The following RBPJ variants were observed in gnomAD, a reference collection of about 807,000 sequenced individuals.
RBPJ encodes the protein recombining binding protein suppressor of hairless.
RBPJ carries 9 observed loss-of-function variants against 67.8 expected under a neutral mutation model. The ratio of observed to expected loss-of-function variants is 0.13; its 90% CI spans 0.08 to 0.23. RBPJ has a LOEUF of 0.23. Among genes scored for constraint, RBPJ ranks in the 10% least tolerant of loss-of-function variants. The probability of loss-of-function intolerance (pLI) is 1.00; values close to 1 mark genes in which losing one functional copy is unlikely to be tolerated. For synonymous variants in RBPJ, 198 were observed against 203.3 expected, an observed-to-expected ratio of 0.97 and a Z score of 0.22; for missense variants, 305 against 595.6, an observed-to-expected ratio of 0.51 and a Z score of 5.08.
At chr4:26,371,735 GT>G (rs1729179949) in intron 1 of RBPJ, among the ~76,000 whole-genome samples, 1 of 152,138 alleles carries the variant, frequency 6.6e-6, no homozygotes, top group Non-Finnish European at 1.5e-5. Context: ...AACAGTTTTG[GT>G]TTGCTGAGAA....
At chr4:26,233,590 T>C (rs1318118964) in intron 1 of RBPJ, among the ~76,000 whole-genome samples, 1 of 152,156 alleles carries the variant, frequency 6.6e-6, no homozygotes, top group East Asian at 1.9e-4. Context: ...CCAGTGTCGT[T>C]ATTATTGGGA....
chr4:26,192,417 C>A (rs1273897823), intron 1 of RBPJ, among the ~76,000 whole-genome samples: 6 of 152,200 alleles, frequency 3.9e-5, no homozygotes, highest in African/African-American at 1.4e-4. Flanking sequence ...CCTGCACACA[C>A]AAATTCCCCC....
intron 1 of RBPJ, 32 bp downstream of exon 1, chr4:26,321,080 C>G: frequency 6.4e-7 from 1 of 1,552,700 alleles, no homozygotes; most frequent in Non-Finnish European, 8.9e-7. Context: ...CGCCGGGAAC[C>G]GGGAAAGTTG....
chr4:26,255,530 T>C (rs181869586), intron 1 of RBPJ, among the ~76,000 whole-genome samples: 1,889 of 147,932 alleles, frequency 0.013, 16 homozygotes, highest in Non-Finnish European at 0.014. Context: ...CGGCCGGGCG[T>C]GGTGGCTCAA....
chr4:26,125,767 C>G, the RBPJ span, among the ~76,000 whole-genome samples: 3 of 151,490 alleles, frequency 2.0e-5, no homozygotes, highest in African/African-American at 7.3e-5. Context: ...CCAGTGCACT[C>G]CAGCCTGGGC....
chr4:26,304,389 C>G (rs1722167927), intron 1 of RBPJ, among the ~76,000 whole-genome samples: 1 of 152,162 alleles, frequency 6.6e-6, no homozygotes, highest in Non-Finnish European at 1.5e-5. Flanking sequence ...CATAGAGTAA[C>G]TCTATCGTTA....
the RBPJ span, among the ~76,000 whole-genome samples, chr4:26,119,487 C>A: frequency 1.3e-5 from 2 of 152,164 alleles, no homozygotes; most frequent in Admixed American, 6.5e-5. Context: ...AAGTCTCTGA[C>A]CTTCTCTAAC....
intron 1 of RBPJ, among the ~76,000 whole-genome samples, chr4:26,338,338 T>C (rs13148715): frequency 6.6e-6 from 1 of 151,804 alleles, no homozygotes; most frequent in Non-Finnish European, 1.5e-5. Context: ...GTATTTTTAG[T>C]AGAGACAGGG....
intron 1 of RBPJ, among the ~76,000 whole-genome samples, chr4:26,244,150 C>CATATATGTATAT (rs374743141): frequency 5.7e-5 from 8 of 140,970 alleles, no homozygotes; most frequent in African/African-American, 2.1e-4. Context: ...TATGTGTACA[C>CATATATGTATAT]ATATATGTAT....
intron 1 of RBPJ, among the ~76,000 whole-genome samples, chr4:26,195,008 C>T (rs922931008): frequency 1.3e-5 from 2 of 152,154 alleles, no homozygotes; most frequent in African/African-American, 4.8e-5. Flanking sequence ...ATACTGTAAG[C>T]CACCTCAAAT....
rs563464096 is a variant in RBPJ at position 26,249,527 on chromosome 4, G to C, written c.-167+85913G>C. On this transcript the variant is annotated intron_variant, in intron 1 of 4. Coordinates refer to the RBPJ transcript ENST00000512351. Reference sequence around the variant, plus strand: ...ATGCAAAAAATTAGCCGGGCATGGTGGTGGGTGCCTGTAATCCCAGCTACT... The same window carrying C: ...ATGCAAAAAATTAGCCGGGCATGGTCGTGGGTGCCTGTAATCCCAGCTACT... Among the ~76,000 whole-genome samples, 204 of 152,076 alleles carry C rather than the reference G, an allele frequency of 1.3e-3. 2 individuals are homozygous for C. The highest frequency in any genetic ancestry group is 4.7e-3 in the African/African-American group (197 of 41,498).
At chr4:26,300,879 T>C (rs1489958522) in intron 1 of RBPJ, among the ~76,000 whole-genome samples, 4 of 152,226 alleles carry the variant, frequency 2.6e-5, no homozygotes, top group African/African-American at 9.6e-5. Context: ...TTGAGTCATA[T>C]AAGTATTAAA....
chr4:26,252,075 A>G lies in RBPJ; in HGVS notation c.-167+88461A>G, dbSNP rs1245450484. Among the ~76,000 whole-genome samples the G allele has an allele frequency of 2.0e-5, 3 of 149,520 alleles. No individual in the cohort carries two copies. The East Asian group carries it at 5.8e-4, about 29-fold the overall frequency. ...ATATGTAAAAACTATAACAAGTTTTAACTAGTTTTTTTTTTTTAATTTAAG... is the reference window on the plus strand; with the variant it reads ...ATATGTAAAAACTATAACAAGTTTTGACTAGTTTTTTTTTTTTAATTTAAG... On this transcript the variant is annotated intron_variant, in intron 1 of 4. Transcript: ENST00000512351.
At chr4:26,135,065 C>A in the RBPJ span, among the ~76,000 whole-genome samples, 1 of 152,156 alleles carries the variant, frequency 6.6e-6, no homozygotes, top group Non-Finnish European at 1.5e-5. Flanking sequence ...TTCCTCACTG[C>A]ATTCCTCCTT....
intron 1 of RBPJ, among the ~76,000 whole-genome samples, chr4:26,210,519 C>T (rs762131984): frequency 2.0e-4 from 30 of 152,188 alleles, no homozygotes; most frequent in Non-Finnish European, 3.1e-4. Context: ...AGCTATATGA[C>T]GTTAATCATT....
At chr4:26,429,738 TTATG>T (rs1473578353) in intron 8 of RBPJ, among the ~76,000 whole-genome samples, 156 bp from the exon 9 acceptor site, 1 of 152,176 alleles carries the variant, frequency 6.6e-6, no homozygotes, top group African/African-American at 2.4e-5. Flanking sequence ...CTGTTTGTGT[TTATG>T]TAGGGATTGG....
chr4:26,192,143 G>A (rs1372177822), intron 1 of RBPJ, among the ~76,000 whole-genome samples: 1 of 151,958 alleles, frequency 6.6e-6, no homozygotes, highest in East Asian at 1.9e-4. Context: ...CAAGTAGCTG[G>A]AACTACAGGC....
At chr4:26,269,239 A>G (rs1028585339) in intron 1 of RBPJ, among the ~76,000 whole-genome samples, 1 of 148,888 alleles carries the variant, frequency 6.7e-6, no homozygotes, top group Non-Finnish European at 1.5e-5. Flanking sequence ...TTTATTTTTT[A>G]TTATTTATTT....
chr4:26,316,499 T>TCATATA, upstream of RBPJ, among the ~76,000 whole-genome samples: 1 of 76,892 alleles, frequency 1.3e-5, no homozygotes, highest in South Asian at 3.5e-4. Context: ...ATATATATAT[T>TCATATA]CATATATATT....
Sources: allele counts gnomAD v4.1 joint callset (sites outside exome capture counted in the v4.1 genomes callset), GRCh38; gene constraint gnomAD v4.1.1; transcripts MANE v1.5; gene names NCBI Gene and HGNC (gene_info 2026-07-23, HGNC 2026-07-21).